Variants in PPM1E observed in about 807,000 individuals in gnomAD.
The protein encoded by PPM1E is protein phosphatase 1E.
Under a neutral mutation model 65.9 loss-of-function variants are expected in PPM1E, and 20 were observed. That is an observed-to-expected ratio of 0.30 (90% CI 0.21 to 0.44). The LOEUF (loss-of-function observed/expected upper bound fraction) is 0.44, where lower values mean the gene tolerates loss of function less well. Ranked by LOEUF, PPM1E falls within the 20% of genes least tolerant of loss-of-function variation. The pLI is 1.00. For missense variants in PPM1E, 713 were observed against 953.1 expected, an observed-to-expected ratio of 0.75 and a Z score of 3.32; for synonymous variants, 352 against 374.9, an observed-to-expected ratio of 0.94 and a Z score of 0.70.
Position 58,779,878 on chromosome 17 carries a change from T to C in PPM1E, c.464+23417T>C, listed in dbSNP as rs186169783. ...TATTCTACTACAACTTTAAATTTTT[T>C]AAAAGTGTATCATGGCTGTCTTTTC... On this transcript the variant is annotated intron_variant, in intron 1 of 6. Coordinates refer to ENST00000308249, the MANE Select transcript of PPM1E (RefSeq NM_014906.5). 2.4e-4 allele frequency among the ~76,000 whole-genome samples: 36 copies of C among 152,346 alleles called. No homozygotes were observed. The East Asian group carries it at 6.2e-3, about 26-fold the overall frequency.
chr17:58,918,389 T>C (rs921345594), intron 1 of PPM1E, among the ~76,000 whole-genome samples: 1 of 152,200 alleles, frequency 6.6e-6, no homozygotes, highest in Admixed American at 6.5e-5. Flanking sequence ...TTGTGTCAAA[T>C]AGATTTCCTC....
At chr17:58,908,271 G>A (rs745820331) in intron 1 of PPM1E, among the ~76,000 whole-genome samples, 13 of 151,576 alleles carry the variant, frequency 8.6e-5, no homozygotes, top group African/African-American at 1.2e-4. Context: ...AGTAGAGATA[G>A]GGTTTCATCA....
At chr17:58,859,935 T>C (rs1319780207) in intron 1 of PPM1E, among the ~76,000 whole-genome samples, 1 of 152,240 alleles carries the variant, frequency 6.6e-6, no homozygotes, top group Non-Finnish European at 1.5e-5. Context: ...TCAATTTTTA[T>C]GATAGCTCAG....
intron 1 of PPM1E, among the ~76,000 whole-genome samples, chr17:58,953,813 T>C (rs913854165): frequency 1.3e-5 from 2 of 150,060 alleles, no homozygotes; most frequent in African/African-American, 2.5e-5. Context: ...AATGGCACGA[T>C]CTCGGCTCAC....
At chr17:58,822,326 T>TTTTTTTTA (rs1555612121) in intron 1 of PPM1E, among the ~76,000 whole-genome samples, 4 of 141,944 alleles carry the variant, frequency 2.8e-5, no homozygotes, top group African/African-American at 1.0e-4. Context: ...CTGAATTTAT[T>TTTTTTTTA]TTTATTTATT....
chr17:58,955,428 A>G (rs551029669), intron 1 of PPM1E: 168 of 594,742 alleles, frequency 2.8e-4, no homozygotes, highest in Non-Finnish European at 4.4e-4. Context: ...TTAGTTTGTC[A>G]TCTGTCTGTA....
At chr17:58,834,139 T>C (rs1001297874) in intron 1 of PPM1E, among the ~76,000 whole-genome samples, 3 of 152,126 alleles carry the variant, frequency 2.0e-5, no homozygotes, top group African/African-American at 7.2e-5. Context: ...GGGTTTTTTG[T>C]TTGTTTGTTT....
At chr17:58,854,574 G>T (rs1446471407) in intron 1 of PPM1E, among the ~76,000 whole-genome samples, 6 of 151,894 alleles carry the variant, frequency 4.0e-5, no homozygotes, top group Non-Finnish European at 7.4e-5. Context: ...ATTACAGTGA[G>T]GTAGTTTCCT....
intron 1 of PPM1E, among the ~76,000 whole-genome samples, chr17:58,933,398 A>G (rs1234859928): frequency 6.6e-6 from 1 of 152,232 alleles, no homozygotes; most frequent in Non-Finnish European, 1.5e-5. Flanking sequence ...ATAAAGCAAG[A>G]AATCGGAAAC....
chr17:58,860,146 T>C (rs1209248943), intron 1 of PPM1E, among the ~76,000 whole-genome samples: 1 of 152,160 alleles, frequency 6.6e-6, no homozygotes, highest in African/African-American at 2.4e-5. Flanking sequence ...GGAAACTAAA[T>C]GATCTTAACA....
chr17:58,785,185 G>A (rs2050087062), intron 1 of PPM1E: 1 of 151,880 alleles, frequency 6.6e-6, no homozygotes, highest in African/African-American at 2.4e-5. Context: ...TCTTTTGCAA[G>A]TGGACATCTA....
At chr17:58,841,520 ACTTT>A (rs2050717276) in intron 1 of PPM1E, among the ~76,000 whole-genome samples, 1 of 144,088 alleles carries the variant, frequency 6.9e-6, no homozygotes, top group African/African-American at 2.6e-5. Flanking sequence ...AAAAACAAAT[ACTTT>A]TTTTTTTTTT....
intron 1 of PPM1E, among the ~76,000 whole-genome samples, chr17:58,853,095 T>A (rs2050844809): frequency 6.6e-6 from 1 of 152,356 alleles, no homozygotes; most frequent in Non-Finnish European, 1.5e-5. Context: ...ACAACATTTT[T>A]AAATTTTCAT....
At chr17:58,852,061 G>A (rs971501246) in intron 1 of PPM1E, among the ~76,000 whole-genome samples, 2 of 152,222 alleles carry the variant, frequency 1.3e-5, no homozygotes, top group Non-Finnish European at 2.9e-5. Context: ...GACTCTGTGG[G>A]TGTGGGACCC....
intron 1 of PPM1E, among the ~76,000 whole-genome samples, chr17:58,766,602 T>C (rs1397621017): frequency 2.4e-5 from 3 of 125,384 alleles, no homozygotes; most frequent in African/African-American, 7.1e-5. Flanking sequence ...TATATGTGTG[T>C]GTATACACAC....
intron 1 of PPM1E, among the ~76,000 whole-genome samples, chr17:58,923,718 G>A (rs1286682241): frequency 6.8e-6 from 1 of 147,164 alleles, no homozygotes; most frequent in Non-Finnish European, 1.5e-5. Context: ...CTGCACTCCA[G>A]CCTGGGTGAC....
chr17:58,979,963 G>A lies in PPM1E; in HGVS notation c.1211-11G>A. 1.2e-6 allele frequency: 2 copies of A among 1,603,346 alleles called. No individual in the cohort carries two copies. The highest frequency in any genetic ancestry group is 1.7e-6 in the Non-Finnish European group (2 of 1,172,916). Reference sequence around the variant, plus strand: ...AATGCTAATGATGCCCCTACACTCTGCTTCCCGCAGGAGATGCTGAACATA... The same window carrying A: ...AATGCTAATGATGCCCCTACACTCTACTTCCCGCAGGAGATGCTGAACATA... On this transcript the variant is annotated splice_polypyrimidine_tract_variant and intron_variant, in intron 6 of 6. Transcript: ENST00000308249.
chr17:58,805,395 C>T (rs1400728125), intron 1 of PPM1E, among the ~76,000 whole-genome samples: 1 of 152,134 alleles, frequency 6.6e-6, no homozygotes, highest in Non-Finnish European at 1.5e-5. Context: ...GGATTACAGG[C>T]ATGCGCCACC....
At chr17:58,837,359 A>ACACT (rs2050673199) in intron 1 of PPM1E, among the ~76,000 whole-genome samples, 3 of 148,854 alleles carry the variant, frequency 2.0e-5, no homozygotes, top group African/African-American at 7.4e-5. Context: ...ACACACACAC[A>ACACT]CTAAATCTCT....
Sources: allele counts gnomAD v4.1 joint callset (sites outside exome capture counted in the v4.1 genomes callset), GRCh38; gene constraint gnomAD v4.1.1; transcripts MANE v1.5; gene names NCBI Gene and HGNC (gene_info 2026-07-23, HGNC 2026-07-21).